The following CGNL1 variants were observed in gnomAD, a reference collection of about 807,000 sequenced individuals.
CGNL1 encodes the protein cingulin-like protein 1.
In CGNL1, 132 loss-of-function variants were observed where a neutral mutation model predicts 141.2. That is an observed-to-expected ratio of 0.93 (90% CI 0.81 to 1.08). The LOEUF (loss-of-function observed/expected upper bound fraction) is 1.08. Among genes scored for constraint, CGNL1 ranks in the 50% least tolerant of loss-of-function variants. The pLI is 0.00. For synonymous variants in CGNL1, 690 were observed against 622.1 expected, an observed-to-expected ratio of 1.11 and a Z score of -1.63; for missense variants, 1,870 against 1,588.6, an observed-to-expected ratio of 1.18 and a Z score of -3.01.
Position 57,439,607 on chromosome 15 carries a change from A to T in CGNL1, c.1602+6A>T. The T allele has an allele frequency of 6.2e-7, 1 of 1,608,462 alleles. No homozygotes were observed. ...CTTCGGCCTCAAATACTCAGGTAAC[A>T]CTAGTGCGATTCCTGTTTGGTTTTT... On this transcript the variant is annotated splice_donor_region_variant and intron_variant, in intron 2 of 18. Transcript: ENST00000281282.
intron 4 of CGNL1, among the ~76,000 whole-genome samples, chr15:57,446,665 CTTTTTT>C (rs11327140): frequency 9.5e-4 from 111 of 116,692 alleles, no homozygotes; most frequent in African/African-American, 3.4e-3. Context: ...CTGAACATTA[CTTTTTT>C]TTTTTTTTTT....
At chr15:57,440,840 A>T (rs2152309628) in intron 3 of CGNL1, among the ~76,000 whole-genome samples, 1 of 152,220 alleles carries the variant, frequency 6.6e-6, no homozygotes, top group South Asian at 2.1e-4. Flanking sequence ...AGAAGTTACA[A>T]ATAAAAACAC....
intron 1 of CGNL1, among the ~76,000 whole-genome samples, chr15:57,436,592 A>T (rs2063108656): frequency 6.6e-6 from 1 of 152,218 alleles, no homozygotes. Flanking sequence ...ACATAGTTAC[A>T]AACCACAATT....
At chr15:57,508,204 C>G (rs1453531561) in intron 8 of CGNL1, among the ~76,000 whole-genome samples, 1 of 136,382 alleles carries the variant, frequency 7.3e-6, no homozygotes, top group African/African-American at 2.7e-5. Flanking sequence ...CCGCCCCACA[C>G]ACACACAAAC....
chr15:57,501,110 G>A (rs1177387082), intron 8 of CGNL1, among the ~76,000 whole-genome samples: 1 of 152,168 alleles, frequency 6.6e-6, no homozygotes, highest in Non-Finnish European at 1.5e-5. Context: ...ACCTTGGATC[G>A]TGATTGTGCT....
At chr15:57,504,891 G>T (rs1370177588) in intron 8 of CGNL1, among the ~76,000 whole-genome samples, 2 of 152,166 alleles carry the variant, frequency 1.3e-5, no homozygotes, top group Non-Finnish European at 2.9e-5. Context: ...GTGATTCATG[G>T]GGCCTGTTTG....
chr15:57,502,945 GT>G (rs1473889593), intron 8 of CGNL1, among the ~76,000 whole-genome samples: 1 of 152,154 alleles, frequency 6.6e-6, no homozygotes, highest in African/African-American at 2.4e-5. Context: ...AGCCTCCAGT[GT>G]TCCTTCTATT....
chr15:57,470,240 CT>C (rs59724078), intron 8 of CGNL1, among the ~76,000 whole-genome samples: 9 of 123,718 alleles, frequency 7.3e-5, no homozygotes, highest in South Asian at 2.7e-4. Context: ...AAAAAGATCT[CT>C]TTTTTTTTGT....
chr15:57,472,342 A>C (rs1392498467), intron 8 of CGNL1, among the ~76,000 whole-genome samples: 1 of 152,108 alleles, frequency 6.6e-6, no homozygotes, highest in African/African-American at 2.4e-5. Flanking sequence ...AAAGTCTGGT[A>C]TGAGAGGAAG....
chr15:57,401,761 A>G (rs1221205320), intron 1 of CGNL1, among the ~76,000 whole-genome samples: 2 of 152,178 alleles, frequency 1.3e-5, no homozygotes, highest in Non-Finnish European at 2.9e-5. Context: ...TATATCCAGC[A>G]GTCTTTATAT....
At position 57,529,492 on chromosome 15, in the gene CGNL1, A is replaced by G. The variant is rs117956874; in HGVS notation, c.3201+677A>G. Among the ~76,000 whole-genome samples the G allele has an allele frequency of 4.8e-4, 73 of 151,972 alleles. No homozygotes were observed. In the East Asian group the frequency reaches 0.014, roughly 29 times the overall value. ...CAGTTCACTGAGGTTGACAAGAAGAACCTTAGAATCACTCCATCTGAACTT... is the reference window on the plus strand; with the variant it reads ...CAGTTCACTGAGGTTGACAAGAAGAGCCTTAGAATCACTCCATCTGAACTT... On this transcript the variant is annotated intron_variant, in intron 13 of 18. Transcript: ENST00000281282.
chr15:57,521,885 G>A (rs986734727), intron 10 of CGNL1, among the ~76,000 whole-genome samples: 1 of 152,038 alleles, frequency 6.6e-6, no homozygotes, highest in Non-Finnish European at 1.5e-5. Context: ...GATCCTGAAG[G>A]TTCTACAGGA....
intron 8 of CGNL1, among the ~76,000 whole-genome samples, chr15:57,509,316 T>A (rs2030009831): frequency 6.6e-6 from 1 of 152,242 alleles, no homozygotes; most frequent in South Asian, 2.1e-4. Flanking sequence ...ACGCCTCAGC[T>A]GTTTTCACTC....
chr15:57,467,735 G>T (rs1277802549), intron 8 of CGNL1, among the ~76,000 whole-genome samples: 3 of 144,560 alleles, frequency 2.1e-5, no homozygotes, highest in African/African-American at 7.7e-5. Context: ...TGTTGCCCAG[G>T]CTGGAGTGCA....
chr15:57,516,719 C>G (rs1321747848), intron 8 of CGNL1, 61 bp from the exon 9 acceptor site: 4 of 1,541,516 alleles, frequency 2.6e-6, no homozygotes, highest in Non-Finnish European at 3.6e-6. Context: ...GCCATTCTTC[C>G]AGCCTGGGGA....
chr15:57,539,943 T>G (rs2032473728), intron 14 of CGNL1, among the ~76,000 whole-genome samples: 1 of 152,004 alleles, frequency 6.6e-6, no homozygotes, highest in South Asian at 2.1e-4. Context: ...TGGCCAGGAG[T>G]AAATGAGATA....
At chr15:57,502,993 T>C (rs568356309) in intron 8 of CGNL1, among the ~76,000 whole-genome samples, 110 of 152,322 alleles carry the variant, frequency 7.2e-4, no homozygotes, top group African/African-American at 2.5e-3. Flanking sequence ...AGTTGGAATA[T>C]GTCAGTACCA....
At chr15:57,469,042 T>G (rs1273998347) in intron 8 of CGNL1, among the ~76,000 whole-genome samples, 1 of 152,166 alleles carries the variant, frequency 6.6e-6, no homozygotes, top group Non-Finnish European at 1.5e-5. Context: ...TGGGTATGTC[T>G]TTATCAGCAG....
chr15:57,487,757 T>A (rs1440484614), intron 8 of CGNL1, among the ~76,000 whole-genome samples: 1 of 152,126 alleles, frequency 6.6e-6, no homozygotes, highest in African/African-American at 2.4e-5. Flanking sequence ...AGAAACAGAG[T>A]TGCTGTAAAA....
Sources: gnomAD v4.1 joint callset for allele counts (sites outside exome capture counted in the v4.1 genomes callset) on GRCh38, gnomAD v4.1.1 for gene constraint, MANE v1.5 for transcripts, NCBI Gene and HGNC (gene_info 2026-07-23, HGNC 2026-07-21) for gene names.